PTPN1: variants seen among roughly 807,000 people sequenced by gnomAD.
The protein encoded by PTPN1 is tyrosine-protein phosphatase non-receptor type 1.
Under a neutral mutation model 59.9 loss-of-function variants are expected in PTPN1, and 12 were observed. The observed-to-expected ratio is 0.20, with a 90% CI of 0.13 to 0.32. The LOEUF (loss-of-function observed/expected upper bound fraction) is 0.32. PTPN1 is among the 10% of genes least tolerant of loss of function. PTPN1 has a pLI of 1.00. For synonymous variants in PTPN1, 178 were observed against 203.6 expected, an observed-to-expected ratio of 0.87 and a Z score of 1.07; for missense variants, 356 against 549.2, an observed-to-expected ratio of 0.65 and a Z score of 3.52.
intron 1 of PTPN1, among the ~76,000 whole-genome samples, chr20:50,557,269 C>T (rs370757128): frequency 1.5e-4 from 23 of 152,178 alleles, no homozygotes; most frequent in African/African-American, 4.3e-4. Context: ...TTAACTCTGT[C>T]GCCCAGGCTG....
At chr20:50,551,074 G>A (rs375283131) in intron 1 of PTPN1, among the ~76,000 whole-genome samples, 2 of 152,152 alleles carry the variant, frequency 1.3e-5, no homozygotes, top group African/African-American at 4.8e-5. Flanking sequence ...AATTGAGTTT[G>A]GGAGGTGTCT....
At chr20:50,545,478 CTATGT>C (rs1243407383) in intron 1 of PTPN1, among the ~76,000 whole-genome samples, 1 of 152,152 alleles carries the variant, frequency 6.6e-6, no homozygotes, top group Non-Finnish European at 1.5e-5. Flanking sequence ...TAAATTAGCG[CTATGT>C]TAGTGGAGTT....
intron 1 of PTPN1, among the ~76,000 whole-genome samples, chr20:50,536,995 T>A (rs2082626630): frequency 6.6e-6 from 1 of 152,232 alleles, no homozygotes; most frequent in African/African-American, 2.4e-5. Flanking sequence ...GTTAAAATTG[T>A]TGTTGACATA....
At position 50,568,864 on chromosome 20, in the gene PTPN1, G is replaced by A. The variant is rs974814774; in HGVS notation, c.354+386G>A. On this transcript the variant is annotated intron_variant, in intron 4 of 9. Transcript: ENST00000371621. The surrounding 1 kb of genome is among the most constrained non-coding windows in gnomAD (Gnocchi z 5.6). ...CTTCATGGTGTCTGATTTTTTGGCT[G>A]GTGAGAGTGTGGCTACCTCTGCGGA... 1.3e-5 allele frequency among the ~76,000 whole-genome samples: 2 copies of A among 152,122 alleles called. No homozygotes were observed. The highest frequency in any genetic ancestry group is 2.4e-5 in the African/African-American group (1 of 41,414).
intron 4 of PTPN1, chr20:50,573,658 C>T (rs2082821871): frequency 6.6e-6 from 1 of 152,254 alleles, no homozygotes; most frequent in Admixed American, 6.5e-5. Flanking sequence ...CTTTGAGCTT[C>T]CCTCTGTCCA....
At chr20:50,540,136 A>G (rs1601397160) in intron 1 of PTPN1, among the ~76,000 whole-genome samples, 1 of 151,778 alleles carries the variant, frequency 6.6e-6, no homozygotes, top group African/African-American at 2.4e-5. Context: ...GCTCACTGCA[A>G]CCTCCGCCTC....
At position 50,585,058 on chromosome 20, in the gene PTPN1, T is replaced by G. The variant is rs1378965440; in HGVS notation, c.*2343T>G. ...ACTTAACAAACTTACCAGTGTTGTT[T>G]GAAGAACAGTGTTTTGAGTTGTAAT... is the stretch of plus-strand genomic sequence containing the variant. On this transcript the variant is annotated 3_prime_UTR_variant, in exon 10 of 10. Transcript: ENST00000371621. 1 of 152,222 alleles carries G rather than the reference T, an allele frequency of 6.6e-6. No individual in the cohort carries two copies. The highest frequency in any genetic ancestry group is 1.5e-5 in the Non-Finnish European group (1 of 68,028). The allele number at this position is 152,222 out of a possible 1,614,324, so 9.4% of individuals were successfully genotyped here.
intron 5 of PTPN1, among the ~76,000 whole-genome samples, chr20:50,576,080 C>T (rs553300837): frequency 3.9e-5 from 6 of 152,256 alleles, no homozygotes; most frequent in Non-Finnish European, 5.9e-5. Flanking sequence ...GTGACCGCGC[C>T]GGAGTCACCA....
intron 1 of PTPN1, among the ~76,000 whole-genome samples, chr20:50,518,605 A>G (rs1297612102): frequency 6.6e-6 from 1 of 151,872 alleles, no homozygotes; most frequent in East Asian, 1.9e-4. Context: ...GGGCAGGGAG[A>G]GAATATGTCA....
At chr20:50,547,250 C>T (rs534768943) in intron 1 of PTPN1, among the ~76,000 whole-genome samples, 3 of 152,162 alleles carry the variant, frequency 2.0e-5, no homozygotes, top group East Asian at 3.9e-4. Context: ...CCTTTGGTAA[C>T]GATTCTATTC....
intron 8 of PTPN1, among the ~76,000 whole-genome samples, chr20:50,580,368 G>T (rs181102507): frequency 2.0e-4 from 31 of 152,298 alleles, no homozygotes; most frequent in Admixed American, 2.0e-3. Flanking sequence ...CTTCCTTGCA[G>T]GTTAACAACC....
Position 50,568,699 on chromosome 20 carries a change from C to T in PTPN1, c.354+221C>T, listed in dbSNP as rs1380138648. Among the ~76,000 whole-genome samples, 1 of 152,252 alleles carries T rather than the reference C, an allele frequency of 6.6e-6. No homozygotes were observed. Among genetic ancestry groups the T allele is most frequent in the East Asian group, 1.9e-4 (1 of 5,206 alleles). ...GGAGGCGGAAGAACTGCACGGACCT[C>T]TTCGCCCCCGCCTTCTCCTGTGTGG... is the stretch of plus-strand genomic sequence containing the variant. On this transcript the variant is annotated intron_variant, in intron 4 of 9. Coordinates refer to ENST00000371621, the MANE Select transcript of PTPN1 (RefSeq NM_002827.4). This position sits in a 1 kb window ranked among gnomAD's most constrained non-coding sequence, Gnocchi z 5.6.
chr20:50,526,779 G>A (rs762811960), intron 1 of PTPN1, among the ~76,000 whole-genome samples: 80 of 151,972 alleles, frequency 5.3e-4, no homozygotes, highest in Non-Finnish European at 9.0e-4. Flanking sequence ...ACTGTGGTCA[G>A]TCACTTTAGA....
intron 1 of PTPN1, among the ~76,000 whole-genome samples, chr20:50,533,928 T>G (rs2082612535): frequency 7.2e-5 from 11 of 152,162 alleles, no homozygotes; most frequent in Admixed American, 7.2e-4. Flanking sequence ...AGAAGCTGTC[T>G]TATTTTTTAT....
intron 1 of PTPN1, among the ~76,000 whole-genome samples, chr20:50,514,604 G>A (rs950821717): frequency 6.6e-6 from 1 of 152,070 alleles, no homozygotes; most frequent in Non-Finnish European, 1.5e-5. Flanking sequence ...GGCTTCAAGC[G>A]ATCCTCCCAC....
chr20:50,548,225 G>T (rs1398671560), intron 1 of PTPN1, among the ~76,000 whole-genome samples: 2 of 151,514 alleles, frequency 1.3e-5, no homozygotes, highest in Non-Finnish European at 2.9e-5. Flanking sequence ...GCTTTGACTG[G>T]GCTTAGTCTA....
Position 50,578,564 on chromosome 20 carries a change from G to A in PTPN1, c.637G>A (p.Val213Met). 1 of 1,614,224 alleles carries A rather than the reference G, an allele frequency of 6.2e-7. No individual in the cohort carries two copies. Among genetic ancestry groups the A allele is most frequent in the Non-Finnish European group, 8.5e-7 (1 of 1,180,048 alleles). Residue 213 changes from valine (V) to methionine (M), a missense_variant, in exon 6 of 10, where the codon GTG (valine) becomes ATG (methionine). Coordinates refer to ENST00000371621, the MANE Select transcript of PTPN1 (RefSeq NM_002827.4). ...SLSPEHGPVV[V>M]HCSAGIGRSG... is the part of the protein sequence containing the mutation. ...CAGCCCGGAGCACGGGCCCGTTGTG[G>A]TGCACTGCAGTGCAGGCATCGGCAG... is the stretch of plus-strand genomic sequence containing the variant.
At chr20:50,556,664 C>T (rs75718858) in intron 1 of PTPN1, among the ~76,000 whole-genome samples, 1,577 of 152,200 alleles carry the variant, frequency 0.01, 31 homozygotes, top group African/African-American at 0.035. Context: ...TGATAAAATC[C>T]AGTGGTTTGG....
rs938018868 is a variant in PTPN1, at chr20:50,583,984, T to C, written c.*1269T>C. ...TGAAACAGCCTGGGTGACGGTCCTT[T>C]AGGCAGCCTGCCGCCGTCTCTGTCC... On this transcript the variant is annotated 3_prime_UTR_variant, in exon 10 of 10. Transcript: ENST00000371621. The C allele has an allele frequency of 6.6e-6, 1 of 152,586 alleles. No individual in the cohort carries two copies. Among genetic ancestry groups the C allele is most frequent in the African/African-American group, 2.4e-5 (1 of 41,438 alleles). The allele number at this position is 152,586 out of a possible 1,614,324, so 9.5% of individuals were successfully genotyped here. A position where few individuals can be genotyped will look rare whatever the true frequency, so the allele number is the denominator to read the frequency against.
Sources: gnomAD v4.1 joint callset for allele counts (sites outside exome capture counted in the v4.1 genomes callset) on GRCh38, gnomAD v4.1.1 for gene constraint, Gnocchi (gnomAD v3.1) non-coding constraint, MANE v1.5 for transcripts, NCBI Gene and HGNC (gene_info 2026-07-23, HGNC 2026-07-21) for gene names.